The following NEK6 variants were observed in gnomAD, a reference collection of about 807,000 sequenced individuals.
The protein encoded by NEK6 is serine/threonine-protein kinase Nek6.
Under a neutral mutation model 43.5 loss-of-function variants are expected in NEK6, and 27 were observed. The ratio of observed to expected loss-of-function variants is 0.62; its 90% CI spans 0.46 to 0.86. NEK6 has a LOEUF of 0.86. Among genes scored for constraint, NEK6 ranks in the 40% least tolerant of loss-of-function variants. The probability of loss-of-function intolerance (pLI) is 0.00; values close to 1 mark genes in which losing one functional copy is unlikely to be tolerated. For synonymous variants in NEK6, 167 were observed against 164.1 expected (o/e 1.02, Z -0.14); for missense variants, 318 against 414.4 (o/e 0.77, Z 2.02).
chr9:124,295,390 C>A (rs1281204980), intron 1 of NEK6, among the ~76,000 whole-genome samples: 1 of 152,204 alleles, frequency 6.6e-6, no homozygotes, highest in East Asian at 1.9e-4. Flanking sequence ...GATGAATGGG[C>A]AACGTCTGCT....
At chr9:124,336,469 A>C (rs1025830643) in intron 7 of NEK6, among the ~76,000 whole-genome samples, 1 of 152,082 alleles carries the variant, frequency 6.6e-6, no homozygotes, top group African/African-American at 2.4e-5. Context: ...GTTTTTCCCG[A>C]AATCTCCTGA....
intron 1 of NEK6, chr9:124,293,133 A>G: frequency 8.1e-7 from 1 of 1,233,808 alleles, no homozygotes. Context: ...GTCACCAAGG[A>G]TCACCTCAGG....
Position 124,346,992 on chromosome 9 carries a change from C to T in NEK6, c.718-717C>T, listed in dbSNP as rs962626817. The stretch of plus-strand genomic sequence containing the variant: ...ATTTTACAAATGAGGAAACTGAAGT[C>T]CAGAGACACAGCGAGTGCAGAGCTG... On this transcript the variant is annotated intron_variant, in intron 8 of 9. Coordinates refer to ENST00000320246, the MANE Select transcript of NEK6 (RefSeq NM_014397.6). Among the ~76,000 whole-genome samples, 3 of 152,224 alleles carry T rather than the reference C, an allele frequency of 2.0e-5. No homozygotes were observed. In the East Asian group the frequency reaches 5.8e-4, roughly 29 times the overall value.
At chr9:124,332,363 A>AG (rs903632267) in intron 7 of NEK6, among the ~76,000 whole-genome samples, 7 of 144,720 alleles carry the variant, frequency 4.8e-5, no homozygotes, top group East Asian at 1.9e-4. Flanking sequence ...TGCAGAGGTC[A>AG]GGGGGGGACC....
At chr9:124,274,199 C>T (rs995919886) in intron 1 of NEK6, among the ~76,000 whole-genome samples, 2 of 152,240 alleles carry the variant, frequency 1.3e-5, no homozygotes, top group Non-Finnish European at 1.5e-5. Context: ...GGACAGAGGC[C>T]GCAGGGCCCA....
intron 2 of NEK6, among the ~76,000 whole-genome samples, chr9:124,306,345 C>G (rs546619595): frequency 6.6e-6 from 1 of 152,126 alleles, no homozygotes; most frequent in East Asian, 1.9e-4. Context: ...GAGAATTGTC[C>G]TGGGGGAACC....
chr9:124,288,808 GCT>G (rs35166724), intron 1 of NEK6, among the ~76,000 whole-genome samples: 2,171 of 152,124 alleles, frequency 0.014, 30 homozygotes, highest in Non-Finnish European at 0.023. Context: ...TGTACTCGGG[GCT>G]CTCAGACCCC....
upstream of NEK6, chr9:124,257,859 G>A: frequency 9.3e-7 from 1 of 1,073,120 alleles, no homozygotes. Context: ...CGCCCCTCAA[G>A]CTTGCGTGGC....
chr9:124,287,549 A>G (rs1347065087), intron 1 of NEK6, among the ~76,000 whole-genome samples: 2 of 152,216 alleles, frequency 1.3e-5, no homozygotes, highest in Admixed American at 1.3e-4. Context: ...ACCAGGCCAG[A>G]TGCGGTGGCT....
intron 1 of NEK6, among the ~76,000 whole-genome samples, chr9:124,277,628 G>A (rs1338901815): frequency 6.6e-6 from 1 of 152,182 alleles, no homozygotes; most frequent in African/African-American, 2.4e-5. Flanking sequence ...AATCTGTGAC[G>A]CTCCCAGCAC....
At chr9:124,347,274 T>C (rs1226214465) in intron 8 of NEK6, among the ~76,000 whole-genome samples, 1 of 152,134 alleles carries the variant, frequency 6.6e-6, no homozygotes, top group Admixed American at 6.5e-5. Context: ...TGTCAGTCCA[T>C]AGGTAAGGAA....
At chr9:124,274,307 A>G (rs796310915) in intron 1 of NEK6, among the ~76,000 whole-genome samples, 1 of 152,254 alleles carries the variant, frequency 6.6e-6, no homozygotes, top group African/African-American at 2.4e-5. Context: ...ACACCTGTGT[A>G]CCACAGCCCC....
In NEK6 at chr9:124,343,844, G is replaced by C. The variant is rs755457206; in HGVS notation, c.718-3865G>C. ...CTTCCCCAAGCCCCAGCACAGCCCG[G>C]AAGGCTCAAAAGCCCCTGTGCTCAT... On this transcript the variant is annotated intron_variant, in intron 8 of 9. Transcript: ENST00000320246. The surrounding 1 kb of genome is among the most constrained non-coding windows in gnomAD (Gnocchi z 5.1). Among the ~76,000 whole-genome samples, 2 of 152,174 alleles carry C rather than the reference G, an allele frequency of 1.3e-5. No individual in the cohort carries two copies. Among genetic ancestry groups the C allele is most frequent in the Non-Finnish European group, 2.9e-5 (2 of 68,020 alleles).
intron 4 of NEK6, among the ~76,000 whole-genome samples, chr9:124,320,380 C>T (rs141208733): frequency 1.1e-3 from 161 of 152,356 alleles, no homozygotes; most frequent in African/African-American, 3.5e-3. Context: ...TAGGGGCTTG[C>T]ATGGCTCTGT....
chr9:124,276,991 G>C (rs1227942962), intron 1 of NEK6, among the ~76,000 whole-genome samples: 2 of 152,202 alleles, frequency 1.3e-5, no homozygotes, highest in Non-Finnish European at 2.9e-5. Flanking sequence ...TAAGGAAGGG[G>C]AGATGGGGTC....
At chr9:124,271,015 G>C (rs1831415227) in intron 1 of NEK6, among the ~76,000 whole-genome samples, 1 of 152,234 alleles carries the variant, frequency 6.6e-6, no homozygotes, top group Non-Finnish European at 1.5e-5. Flanking sequence ...TCTCTCCACA[G>C]AGCTGGGGCC....
chr9:124,316,703 G>A (rs919223277), intron 4 of NEK6, among the ~76,000 whole-genome samples: 5 of 152,196 alleles, frequency 3.3e-5, no homozygotes, highest in Middle Eastern at 3.2e-3. Context: ...GGACCTTGGC[G>A]ATTTAGCCCA....
intron 7 of NEK6, among the ~76,000 whole-genome samples, chr9:124,331,275 A>AAAAAAC (rs540083053): frequency 0.071 from 10,383 of 145,304 alleles, 910 homozygotes; most frequent in East Asian, 0.31. Flanking sequence ...AAAAAAAAAC[A>AAAAAAC]AAACATTTTG....
In NEK6 at chr9:124,351,709, T is replaced by C. The variant is rs1301945590; in HGVS notation, c.*762T>C. On this transcript the variant is annotated 3_prime_UTR_variant, in exon 10 of 10. Transcript: ENST00000320246. Reference sequence around the variant, plus strand: ...CTCCATGGGAAGGAAGCATGGGATATAGAAAAGCGAAGGGCTGTCCTTTAC... The same window carrying C: ...CTCCATGGGAAGGAAGCATGGGATACAGAAAAGCGAAGGGCTGTCCTTTAC... The C allele has an allele frequency of 6.6e-6, 1 of 152,178 alleles. No homozygotes were observed. The highest frequency in any genetic ancestry group is 1.5e-5 in the Non-Finnish European group (1 of 68,038). 9.4% of individuals were successfully genotyped at this position (152,178 alleles called of 1,614,324 possible). A position where few individuals can be genotyped will look rare whatever the true frequency, so the allele number is the denominator to read the frequency against.
Sources: gnomAD v4.1 joint callset for allele counts (sites outside exome capture counted in the v4.1 genomes callset) on GRCh38, gnomAD v4.1.1 for gene constraint, Gnocchi (gnomAD v3.1) non-coding constraint, MANE v1.5 for transcripts, NCBI Gene and HGNC (gene_info 2026-07-23, HGNC 2026-07-21) for gene names.